MYOCD: variants seen among roughly 807,000 people sequenced by gnomAD.
MYOCD encodes the protein myocardin.
MYOCD carries 32 observed loss-of-function variants against 96.1 expected under a neutral mutation model. That is an observed-to-expected ratio of 0.33 (90% confidence interval 0.25 to 0.45). The LOEUF is 0.45. Among genes scored for constraint, MYOCD ranks in the 20% least tolerant of loss-of-function variants. The pLI, the probability that MYOCD is intolerant of heterozygous loss-of-function variation, is 1.00. For synonymous variants in MYOCD, 469 were observed against 469.0 expected, an observed-to-expected ratio of 1.00 and a Z score of 0.00; for missense variants, 1,133 against 1,200.6, an observed-to-expected ratio of 0.94 and a Z score of 0.83.
intron 9 of MYOCD, among the ~76,000 whole-genome samples, chr17:12,748,738 T>A (rs1419525766): frequency 1.3e-5 from 2 of 152,208 alleles, no homozygotes; most frequent in African/African-American, 4.8e-5. Flanking sequence ...AAAATAAATG[T>A]AGAACTCATC....
intron 1 of MYOCD, among the ~76,000 whole-genome samples, chr17:12,689,002 C>A (rs935141437): frequency 5.9e-5 from 9 of 152,192 alleles, no homozygotes; most frequent in African/African-American, 2.2e-4. Context: ...TGTGCACACA[C>A]ACAAACACGT....
intron 1 of MYOCD, among the ~76,000 whole-genome samples, chr17:12,704,221 G>GCT (rs2031198380): frequency 6.6e-6 from 1 of 152,092 alleles, no homozygotes; most frequent in East Asian, 1.9e-4. Context: ...CAAGCTTTAA[G>GCT]CTCTCTCTTG....
At chr17:12,760,795 C>A in intron 13 of MYOCD, 88 bp downstream of exon 13, 1 of 1,078,794 alleles carries the variant, frequency 9.3e-7, no homozygotes, top group Non-Finnish European at 1.4e-6. Context: ...ATCAGATGCA[C>A]ACTGTGAGTT....
intron 1 of MYOCD, among the ~76,000 whole-genome samples, chr17:12,697,359 A>ATATATATATATATATTTTTTTTTTT (rs1427225443): frequency 1.3e-5 from 1 of 75,738 alleles, no homozygotes. Context: ...ATATATATAT[A>ATATATATATATATATTTTTTTTTTT]TTTTTTTTTT....
chr17:12,693,659 A>G (rs2030590835), intron 1 of MYOCD, among the ~76,000 whole-genome samples: 1 of 149,662 alleles, frequency 6.7e-6, no homozygotes, highest in Admixed American at 6.7e-5. Context: ...AAAATAAAAT[A>G]AAATAAAATA....
chr17:12,757,246 C>G (rs2033038675), intron 11 of MYOCD, among the ~76,000 whole-genome samples: 1 of 151,902 alleles, frequency 6.6e-6, no homozygotes, highest in African/African-American at 2.4e-5. Context: ...TCTCAAGGGG[C>G]AAAGAAGAGG....
At chr17:12,710,743 G>A (rs1285658213) in intron 2 of MYOCD, among the ~76,000 whole-genome samples, 1 of 152,104 alleles carries the variant, frequency 6.6e-6, no homozygotes, top group African/African-American at 2.4e-5. Context: ...GCAGTACACG[G>A]CGCAAGGGAA....
At chr17:12,675,854 G>A (rs1252666854) in intron 1 of MYOCD, among the ~76,000 whole-genome samples, 2 of 152,076 alleles carry the variant, frequency 1.3e-5, no homozygotes, top group Non-Finnish European at 2.9e-5. Flanking sequence ...GCAAGACTCC[G>A]TCTCAATCAA....
rs1213372001 is a variant in MYOCD, at chr17:12,764,633, T to C, written c.*989T>C. 1 of 152,272 alleles carries C rather than the reference T, an allele frequency of 6.6e-6. No individual in the cohort carries two copies. Among genetic ancestry groups the C allele is most frequent in the East Asian group, 1.9e-4 (1 of 5,202 alleles). 9.4% of individuals were successfully genotyped at this position (152,272 alleles called of 1,614,324 possible). On this transcript the variant is annotated 3_prime_UTR_variant, in exon 14 of 14. Coordinates refer to ENST00000425538, the MANE Select transcript of MYOCD (RefSeq NM_001146312.3). The stretch of plus-strand genomic sequence containing the variant: ...GTTCCTATAGAAGGACTATTACTTA[T>C]GGGAGTCCAACTTCTCCTTTTGTTT...
At chr17:12,743,486 CTTTTTTTTTT>C (rs373893604) in intron 7 of MYOCD, among the ~76,000 whole-genome samples, 1 of 98,318 alleles carries the variant, frequency 1.0e-5, no homozygotes, top group African/African-American at 4.0e-5. Flanking sequence ...TATGAAAGTT[CTTTTTTTTTT>C]TTTTTTTTTT....
intron 5 of MYOCD, among the ~76,000 whole-genome samples, chr17:12,727,846 C>T (rs1335661629): frequency 6.6e-6 from 1 of 152,122 alleles, no homozygotes; most frequent in East Asian, 1.9e-4. Flanking sequence ...CGTCTCTTCC[C>T]CTCTCCTCTT....
intron 1 of MYOCD, among the ~76,000 whole-genome samples, chr17:12,686,527 C>G (rs76092753): frequency 2.6e-5 from 4 of 152,188 alleles, no homozygotes; most frequent in Admixed American, 6.5e-5. Context: ...TCACAAAATT[C>G]TGGAATTTGG....
intron 1 of MYOCD, among the ~76,000 whole-genome samples, chr17:12,677,793 T>C (rs1409658120): frequency 1.3e-5 from 2 of 152,152 alleles, no homozygotes; most frequent in African/African-American, 4.8e-5. Context: ...ATTATTTATG[T>C]TATTATAAGA....
intron 10 of MYOCD, among the ~76,000 whole-genome samples, chr17:12,755,654 A>G (rs1301941711): frequency 6.6e-6 from 1 of 152,180 alleles, no homozygotes; most frequent in Admixed American, 6.5e-5. Context: ...CGGGTGGATC[A>G]CGAGGTCAGG....
intron 1 of MYOCD, among the ~76,000 whole-genome samples, chr17:12,675,277 C>T (rs145180992): frequency 8.8e-4 from 134 of 152,208 alleles, no homozygotes; most frequent in South Asian, 1.9e-3. Context: ...ATACACCTAT[C>T]GTGTTGGTGA....
intron 1 of MYOCD, among the ~76,000 whole-genome samples, chr17:12,668,502 G>A (rs140152334): frequency 1.3e-3 from 193 of 152,282 alleles, no homozygotes; most frequent in African/African-American, 4.2e-3. Flanking sequence ...AACCATGGCC[G>A]ACCAACTTTC....
chr17:12,754,529 G>A (rs559543248), intron 10 of MYOCD, among the ~76,000 whole-genome samples: 1 of 152,330 alleles, frequency 6.6e-6, no homozygotes, highest in South Asian at 2.1e-4. Flanking sequence ...ACTTGCAGGG[G>A]CCCTGAGGTT....
In MYOCD at chr17:12,726,949, A is replaced by G. The variant is rs531160334; in HGVS notation, c.415+3941A>G. On this transcript the variant is annotated intron_variant, in intron 5 of 13. Coordinates refer to ENST00000425538, the MANE Select transcript of MYOCD (RefSeq NM_001146312.3). ...ATTTTCTCCTTAATTTGTACAACTT[A>G]CCTATTACTAAAAATTCTCACTCCC... 7.2e-5 allele frequency among the ~76,000 whole-genome samples: 11 copies of G among 152,180 alleles called. No individual in the cohort carries two copies. The South Asian group carries it at 2.1e-3, about 29-fold the overall frequency.
intron 1 of MYOCD, among the ~76,000 whole-genome samples, chr17:12,682,443 G>C (rs1015767072): frequency 2.6e-5 from 4 of 152,230 alleles, no homozygotes; most frequent in African/African-American, 4.8e-5. Flanking sequence ...ATGCCTGGTA[G>C]TGTCCTTGAA....
Sources: gnomAD v4.1 joint callset for allele counts (sites outside exome capture counted in the v4.1 genomes callset) on GRCh38, gnomAD v4.1.1 for gene constraint, MANE v1.5 for transcripts, NCBI Gene and HGNC (gene_info 2026-07-23, HGNC 2026-07-21) for gene names.